The following CTDSPL variants were observed in gnomAD, a reference collection of about 807,000 sequenced individuals.
CTDSPL encodes the protein CTD small phosphatase-like protein.
Under a neutral mutation model 30.5 loss-of-function variants are expected in CTDSPL, and 8 were observed. The observed-to-expected ratio is 0.26, with a 90% CI of 0.15 to 0.47. CTDSPL has a LOEUF of 0.47. CTDSPL is among the 20% of genes least tolerant of loss of function. The probability of loss-of-function intolerance (pLI) is 0.99; values close to 1 mark genes in which losing one functional copy is unlikely to be tolerated. For missense variants in CTDSPL, 248 were observed against 366.1 expected (o/e 0.68, Z 2.63); for synonymous variants, 110 against 137.9 (o/e 0.80, Z 1.42).
chr3:37,939,718 C>G (rs1698955978), intron 1 of CTDSPL, among the ~76,000 whole-genome samples: 2 of 147,676 alleles, frequency 1.4e-5, no homozygotes, highest in African/African-American at 5.1e-5. Context: ...TCTCTCACAC[C>G]AGGCCTTTTA....
At chr3:37,933,629 G>T (rs570808764) in intron 1 of CTDSPL, among the ~76,000 whole-genome samples, 2 of 152,160 alleles carry the variant, frequency 1.3e-5, no homozygotes, top group East Asian at 3.9e-4. Context: ...AGTCATCTTG[G>T]GCAAGTTTTC....
At position 37,872,492 on chromosome 3, in the gene CTDSPL, C is replaced by T. The variant is rs1375434087; in HGVS notation, c.79+10214C>T. Among the ~76,000 whole-genome samples the T allele has an allele frequency of 4.2e-5, 6 of 144,220 alleles. No individual in the cohort carries two copies. The South Asian group carries it at 1.1e-3, about 26-fold the overall frequency. The allele number at this position is 144,220 out of a possible 152,430, so 94.6% of individuals were successfully genotyped here. A position where few individuals can be genotyped will look rare whatever the true frequency, so the allele number is the denominator to read the frequency against. The stretch of plus-strand genomic sequence containing the variant: ...GCCCCCATCAGGAAAGAAGCACTGC[C>T]TTGTTAATGTCAGGTGGAGTGGATG... On this transcript the variant is annotated intron_variant, in intron 1 of 7. Coordinates refer to ENST00000273179, the MANE Select transcript of CTDSPL (RefSeq NM_001008392.2).
intron 1 of CTDSPL, among the ~76,000 whole-genome samples, chr3:37,876,589 GT>G (rs1437376646): frequency 6.6e-6 from 1 of 152,098 alleles, no homozygotes; most frequent in Non-Finnish European, 1.5e-5. Flanking sequence ...CTTTTTATGT[GT>G]TTATTTGCTG....
chr3:37,966,724 G>GT (rs1221549932), intron 4 of CTDSPL, among the ~76,000 whole-genome samples: 2 of 152,052 alleles, frequency 1.3e-5, no homozygotes, highest in Non-Finnish European at 2.9e-5. Flanking sequence ...TTTGTTTTTT[G>GT]TTTTTTGTTT....
In CTDSPL at chr3:37,982,656, G is replaced by C. The variant is rs966088396; in HGVS notation, c.*1789G>C. 1.1e-5 allele frequency: 5 copies of C among 455,232 alleles called. No homozygotes were observed. Among genetic ancestry groups the C allele is most frequent in the African/African-American group, 6.1e-5 (3 of 48,802 alleles). 28.2% of individuals were successfully genotyped at this position (455,232 alleles called of 1,614,324 possible). On this transcript the variant is annotated 3_prime_UTR_variant, in exon 8 of 8. Coordinates refer to ENST00000273179, the MANE Select transcript of CTDSPL (RefSeq NM_001008392.2). Reference sequence around the variant, plus strand: ...ATTCAGAAGGGAAGTAAGTATTCAGGGGGTAAACAGGTCTCCCAGCATTCT... The same window carrying C: ...ATTCAGAAGGGAAGTAAGTATTCAGCGGGTAAACAGGTCTCCCAGCATTCT...
rs143646835 is a variant in CTDSPL at position 37,971,783 on chromosome 3, G to C, written c.519+284G>C. 1.2e-4 allele frequency among the ~76,000 whole-genome samples: 18 copies of C among 152,320 alleles called. No homozygotes were observed. The East Asian group carries it at 3.5e-3, about 29-fold the overall frequency. On this transcript the variant is annotated intron_variant, in intron 6 of 7. Coordinates refer to ENST00000273179, the MANE Select transcript of CTDSPL (RefSeq NM_001008392.2). ...CCACAGTCCAGAGAATCACAAACAG[G>C]TCCAGTGTAATGGACAAAGGATGGT...
intron 1 of CTDSPL, among the ~76,000 whole-genome samples, chr3:37,919,927 T>C (rs1022737700): frequency 3.9e-5 from 6 of 152,148 alleles, no homozygotes; most frequent in African/African-American, 1.4e-4. Context: ...TTTTAAAGGA[T>C]AGGGAATTAT....
At chr3:37,884,769 G>A (rs868145346) in intron 1 of CTDSPL, among the ~76,000 whole-genome samples, 1 of 151,938 alleles carries the variant, frequency 6.6e-6, no homozygotes, top group Middle Eastern at 3.4e-3. Context: ...AAGATATGGA[G>A]AAGTTCAGAG....
rs1180791938 is a variant in CTDSPL at position 37,983,198 on chromosome 3, C to T, written c.*2331C>T. 6.6e-6 allele frequency: 1 copy of T among 152,378 alleles called. No individual in the cohort carries two copies. The allele number at this position is 152,378 out of a possible 1,614,324, so 9.4% of individuals were successfully genotyped here. On this transcript the variant is annotated 3_prime_UTR_variant, in exon 8 of 8. Transcript: ENST00000273179. ...AGGGCCAGCAGGCCCTCTGAGGGTT[C>T]TGGAATCTGTGCACCTTATTTGACC... is the stretch of plus-strand genomic sequence containing the variant.
chr3:37,911,650 GT>G (rs1559631409), intron 1 of CTDSPL: 2 of 456,084 alleles, frequency 4.4e-6, no homozygotes, highest in South Asian at 3.1e-5. Context: ...CTGGTTGAAC[GT>G]TTTAGTGGGT....
intron 1 of CTDSPL, among the ~76,000 whole-genome samples, chr3:37,892,802 C>T (rs545059151): frequency 2.0e-5 from 3 of 152,296 alleles, no homozygotes; most frequent in South Asian, 4.1e-4. Flanking sequence ...AAAGCTGGAA[C>T]GATGTCTGAC....
At chr3:37,976,863 A>G (rs1699434489) in intron 7 of CTDSPL, among the ~76,000 whole-genome samples, 1 of 152,058 alleles carries the variant, frequency 6.6e-6, no homozygotes, top group Non-Finnish European at 1.5e-5. Flanking sequence ...AAAGAGGCCA[A>G]CCAGGGCCTC....
At chr3:37,875,509 A>G (rs897772350) in intron 1 of CTDSPL, among the ~76,000 whole-genome samples, 1 of 152,226 alleles carries the variant, frequency 6.6e-6, no homozygotes. Flanking sequence ...GCTGTCTTGA[A>G]CAGACTGCAC....
At chr3:37,892,638 T>G (rs1365877364) in intron 1 of CTDSPL, among the ~76,000 whole-genome samples, 1 of 152,166 alleles carries the variant, frequency 6.6e-6, no homozygotes, top group African/African-American at 2.4e-5. Context: ...AGAAAGACCC[T>G]TAAGCTTGAG....
At chr3:37,890,364 A>C (rs1291678600) in intron 1 of CTDSPL, among the ~76,000 whole-genome samples, 1 of 152,230 alleles carries the variant, frequency 6.6e-6, no homozygotes, top group Non-Finnish European at 1.5e-5. Flanking sequence ...TATGTAAGGG[A>C]AGGGAAAATG....
At chr3:37,968,314 T>C (rs1282963371) in intron 5 of CTDSPL, 1 of 440,276 alleles carries the variant, frequency 2.3e-6, no homozygotes, top group African/African-American at 2.0e-5. Flanking sequence ...ATCTTATCAT[T>C]CCTGCATCGT....
intron 1 of CTDSPL, among the ~76,000 whole-genome samples, chr3:37,875,858 G>C (rs1698128805): frequency 6.6e-6 from 1 of 152,194 alleles, no homozygotes. Flanking sequence ...TAATGTATGA[G>C]CACTTATTGG....
chr3:37,903,619 G>T (rs1047988553), intron 1 of CTDSPL, among the ~76,000 whole-genome samples: 2 of 152,150 alleles, frequency 1.3e-5, no homozygotes, highest in Non-Finnish European at 2.9e-5. Context: ...TATCACAAGG[G>T]TTATCACAAA....
chr3:37,954,665 A>G (rs1325693064), intron 2 of CTDSPL: 2 of 152,308 alleles, frequency 1.3e-5, no homozygotes, highest in African/African-American at 4.8e-5. Context: ...ACCTGGAGAA[A>G]TGAGGATTTG....
Sources: gnomAD v4.1 joint callset for allele counts (sites outside exome capture counted in the v4.1 genomes callset) on GRCh38, gnomAD v4.1.1 for gene constraint, MANE v1.5 for transcripts, NCBI Gene and HGNC (gene_info 2026-07-23, HGNC 2026-07-21) for gene names.